STK3: variants seen among roughly 807,000 people sequenced by gnomAD.
STK3 encodes the protein serine/threonine-protein kinase 3.
In STK3, 41 loss-of-function variants were observed where a neutral mutation model predicts 58.0. That is an observed-to-expected ratio of 0.71 (90% CI 0.55 to 0.92). The LOEUF (loss-of-function observed/expected upper bound fraction) is 0.92. Among genes scored for constraint, STK3 ranks in the 40% least tolerant of loss-of-function variants. STK3 has a pLI of 0.00. For missense variants in STK3, 479 were observed against 602.7 expected (o/e 0.79, Z 2.15); for synonymous variants, 170 against 191.0 (o/e 0.89, Z 0.91).
intron 6 of STK3, among the ~76,000 whole-genome samples, chr8:98,682,022 C>A (rs2130901086): frequency 6.6e-6 from 1 of 152,332 alleles, no homozygotes; most frequent in South Asian, 2.1e-4. Flanking sequence ...TTGTGCTTTA[C>A]ATAAATACCA....
intron 1 of STK3, among the ~76,000 whole-genome samples, chr8:98,918,129 TC>T (rs1465527174): frequency 6.6e-6 from 1 of 152,154 alleles, no homozygotes; most frequent in Admixed American, 6.5e-5. Flanking sequence ...GTTTGTTCCC[TC>T]CCCCTTTTTC....
chr8:98,790,964 A>C (rs1020687707), intron 1 of STK3, among the ~76,000 whole-genome samples: 20 of 151,998 alleles, frequency 1.3e-4, no homozygotes, highest in African/African-American at 4.6e-4. Context: ...AGCCTGGGGG[A>C]CAGGGTGAGA....
intron 3 of STK3, among the ~76,000 whole-genome samples, chr8:98,867,388 T>G (rs1412105174): frequency 2.0e-5 from 3 of 152,208 alleles, no homozygotes. Context: ...CGTTCCAGCC[T>G]GGGTGATAGG....
chr8:98,846,779 T>C (rs1276692147), intron 3 of STK3, among the ~76,000 whole-genome samples: 1 of 152,036 alleles, frequency 6.6e-6, no homozygotes, highest in East Asian at 1.9e-4. Context: ...GTGGAGAGAC[T>C]GTTCCCAAAC....
chr8:98,462,369 C>T (rs140258261), intron 10 of STK3, among the ~76,000 whole-genome samples: 3 of 152,170 alleles, frequency 2.0e-5, no homozygotes, highest in East Asian at 3.9e-4. Flanking sequence ...TGTTTCTACT[C>T]ATGCTGTTTT....
chr8:98,554,434 C>T lies in STK3; in HGVS notation c.949-6273G>A, dbSNP rs1294505729. Among the ~76,000 whole-genome samples, 3 of 152,220 alleles carry T rather than the reference C, an allele frequency of 2.0e-5. No individual in the cohort carries two copies. In the East Asian group the frequency reaches 5.8e-4, roughly 29 times the overall value. On this transcript the variant is annotated intron_variant, in intron 8 of 10. Coordinates refer to ENST00000419617, the MANE Select transcript of STK3 (RefSeq NM_006281.4). ...TGATTGGTATAAAATAGTCCTTAGC[C>T]TCCCTATATTCTACATTAGAGTTGA... is the stretch of plus-strand genomic sequence containing the variant.
At chr8:98,352,168 G>A in the STK3 span, among the ~76,000 whole-genome samples, 1 of 148,152 alleles carries the variant, frequency 6.7e-6, no homozygotes, top group Non-Finnish European at 1.5e-5. Flanking sequence ...GACTACTGGA[G>A]TTCTGACAAA....
At chr8:98,739,323 A>C (rs943433228) in intron 4 of STK3, among the ~76,000 whole-genome samples, 116 of 152,316 alleles carry the variant, frequency 7.6e-4, no homozygotes, top group Middle Eastern at 3.4e-3. Context: ...ACCCTGGAGC[A>C]GCCTAACTGG....
chr8:98,661,765 C>A (rs1265730194), intron 6 of STK3, among the ~76,000 whole-genome samples: 1 of 152,036 alleles, frequency 6.6e-6, no homozygotes, highest in African/African-American at 2.4e-5. Context: ...ATTTAGGATC[C>A]CAGAATACCA....
intron 6 of STK3, among the ~76,000 whole-genome samples, chr8:98,701,349 G>A (rs1205420361): frequency 6.6e-6 from 1 of 152,192 alleles, no homozygotes; most frequent in Non-Finnish European, 1.5e-5. Context: ...TGAGTGCACT[G>A]GCTTACGCCT....
chr8:98,751,996 A>G (rs543860186), intron 3 of STK3, among the ~76,000 whole-genome samples: 1 of 152,174 alleles, frequency 6.6e-6, no homozygotes, highest in African/African-American at 2.4e-5. Flanking sequence ...ACACAAACAC[A>G]CATCATTAAA....
intron 6 of STK3, among the ~76,000 whole-genome samples, chr8:98,612,480 A>AAT (rs58699516): frequency 0.046 from 6,689 of 146,510 alleles, 443 homozygotes; most frequent in African/African-American, 0.15. Context: ...GAGAGATTCT[A>AAT]ATATATATAT....
At chr8:98,453,534 C>T (rs1436736516), downstream of STK3, among the ~76,000 whole-genome samples, 2 of 152,114 alleles carry the variant, frequency 1.3e-5, no homozygotes, top group Non-Finnish European at 2.9e-5. Flanking sequence ...TAAAACAATG[C>T]CCATTCCTCT....
chr8:98,854,024 C>T (rs1338609218), intron 3 of STK3, among the ~76,000 whole-genome samples: 6 of 152,144 alleles, frequency 3.9e-5, no homozygotes, highest in Non-Finnish European at 8.8e-5. Flanking sequence ...ATCACACCAA[C>T]ATACCACAAG....
intron 6 of STK3, among the ~76,000 whole-genome samples, chr8:98,617,360 G>A (rs529680057): frequency 1.4e-5 from 2 of 139,346 alleles, no homozygotes; most frequent in South Asian, 5.3e-4. Flanking sequence ...AGAGAAAGCA[G>A]GAAAGATCCA....
intron 3 of STK3, among the ~76,000 whole-genome samples, chr8:98,842,142 A>C (rs1420470834): frequency 1.3e-5 from 2 of 152,208 alleles, no homozygotes; most frequent in Non-Finnish European, 2.9e-5. Flanking sequence ...GAAGCTCTGA[A>C]TAAAAGATAT....
chr8:98,931,882 C>CT (rs1360379090), intron 1 of STK3, among the ~76,000 whole-genome samples: 1 of 152,212 alleles, frequency 6.6e-6, no homozygotes, highest in African/African-American at 2.4e-5. Flanking sequence ...TGAATGGTCC[C>CT]TCTTGCTCCA....
At chr8:98,757,643 A>C (rs1830376064) in intron 3 of STK3, among the ~76,000 whole-genome samples, 2 of 151,592 alleles carry the variant, frequency 1.3e-5, no homozygotes, top group African/African-American at 2.4e-5. Context: ...AGACAGTTCA[A>C]GACCTGAGAC....
intron 6 of STK3, among the ~76,000 whole-genome samples, chr8:98,700,056 A>G (rs1825412381): frequency 6.6e-6 from 1 of 152,232 alleles, no homozygotes; most frequent in Admixed American, 6.5e-5. Context: ...TACCTAAGCA[A>G]GCTTGGGTAA....
Sources: allele counts gnomAD v4.1 joint callset (sites outside exome capture counted in the v4.1 genomes callset), GRCh38; gene constraint gnomAD v4.1.1; transcripts MANE v1.5; gene names NCBI Gene and HGNC (gene_info 2026-07-23, HGNC 2026-07-21).